CADM2: variants seen among roughly 807,000 people sequenced by gnomAD.
CADM2 encodes the protein immunoglobulin superfamily member 4D.
CADM2 carries 12 observed loss-of-function variants against 49.8 expected under a neutral mutation model. The ratio of observed to expected loss-of-function variants is 0.24; its 90% CI spans 0.15 to 0.39. The LOEUF (loss-of-function observed/expected upper bound fraction) is 0.39, where lower values mean the gene tolerates loss of function less well. CADM2 is among the 10% of genes least tolerant of loss of function. The probability of loss-of-function intolerance (pLI) is 1.00; values close to 1 mark genes in which losing one functional copy is unlikely to be tolerated. For missense variants in CADM2, 378 were observed against 492.3 expected, an observed-to-expected ratio of 0.77 and a Z score of 2.20; for synonymous variants, 214 against 175.4, an observed-to-expected ratio of 1.22 and a Z score of -1.74.
At chr3:85,260,920 A>G (rs144248325) in intron 1 of CADM2, among the ~76,000 whole-genome samples, 119 of 152,238 alleles carry the variant, frequency 7.8e-4, no homozygotes, top group African/African-American at 2.8e-3. Context: ...GGAGTTTGCA[A>G]TCGGTTCTCA....
chr3:84,961,127 C>T lies in CADM2; in HGVS notation c.61+1459C>T, dbSNP rs549799018. ...GTAAAAGGGATCTGAAAGTAAGACA[C>T]ACGTAGACTCACTGGCGTGCAAAAC... is the stretch of plus-strand genomic sequence containing the variant. On this transcript the variant is annotated intron_variant, in intron 1 of 9. Transcript: ENST00000383699. Among the ~76,000 whole-genome samples, 26 of 152,158 alleles carry T rather than the reference C, an allele frequency of 1.7e-4. No individual in the cohort carries two copies. The South Asian group carries it at 5.2e-3, about 30-fold the overall frequency.
chr3:85,123,376 G>A (rs1223231449), intron 1 of CADM2, among the ~76,000 whole-genome samples: 2 of 152,104 alleles, frequency 1.3e-5, no homozygotes, highest in African/African-American at 4.8e-5. Flanking sequence ...TAAGATTTAT[G>A]TGTAAAAACG....
At chr3:85,152,347 A>G (rs1559691157) in intron 1 of CADM2, among the ~76,000 whole-genome samples, 1 of 152,136 alleles carries the variant, frequency 6.6e-6, no homozygotes, top group South Asian at 2.1e-4. Flanking sequence ...ATGTGTGGCC[A>G]AAAGAGACTG....
intron 2 of CADM2, among the ~76,000 whole-genome samples, chr3:85,786,395 A>T (rs1365977828): frequency 6.6e-6 from 1 of 152,068 alleles, no homozygotes; most frequent in African/African-American, 2.4e-5. Context: ...AGTTTCCACT[A>T]AACTCTCATA....
At chr3:85,259,472 C>A (rs1046137556) in intron 1 of CADM2, among the ~76,000 whole-genome samples, 1 of 151,964 alleles carries the variant, frequency 6.6e-6, no homozygotes, top group African/African-American at 2.4e-5. Context: ...TGTGAGCCTG[C>A]ATACTGTAAT....
At chr3:85,544,535 C>G (rs1045250572) in intron 1 of CADM2, among the ~76,000 whole-genome samples, 1 of 151,998 alleles carries the variant, frequency 6.6e-6, no homozygotes, top group Non-Finnish European at 1.5e-5. Flanking sequence ...GGAGATCGCG[C>G]CACTGCACTC....
chr3:85,107,528 A>T (rs2038277983), intron 1 of CADM2, among the ~76,000 whole-genome samples: 1 of 152,054 alleles, frequency 6.6e-6, no homozygotes, highest in Non-Finnish European at 1.5e-5. Flanking sequence ...AAAATGGTGC[A>T]GCCTCTGTGG....
At chr3:85,905,344 A>T (rs559200170) in intron 5 of CADM2, among the ~76,000 whole-genome samples, 1 of 152,334 alleles carries the variant, frequency 6.6e-6, no homozygotes, top group Non-Finnish European at 1.5e-5. Context: ...CTTCCAATAC[A>T]GAAACTGATG....
intron 1 of CADM2, among the ~76,000 whole-genome samples, chr3:85,637,177 A>G (rs1006123905): frequency 6.6e-6 from 1 of 152,182 alleles, no homozygotes; most frequent in African/African-American, 2.4e-5. Flanking sequence ...ATTTTTTGAA[A>G]TGAAGAAAAG....
rs191134128 is a variant in CADM2, at chr3:85,608,897, A to T, written c.62-117625A>T. Among the ~76,000 whole-genome samples the T allele has an allele frequency of 5.3e-3, 810 of 152,218 alleles. 7 individuals carry two copies. Among genetic ancestry groups the T allele is most frequent in the Non-Finnish European group, 8.0e-3 (541 of 68,008 alleles). On this transcript the variant is annotated intron_variant, in intron 1 of 9. Coordinates refer to ENST00000383699, the MANE Select transcript of CADM2 (RefSeq NM_001167675.2). ...TTAAAAGCTTTCTTGGTTTTCTTCA[A>T]TTTTTCTCAGCATACCTGAGTTTGG... is the stretch of plus-strand genomic sequence containing the variant.
intron 3 of CADM2, among the ~76,000 whole-genome samples, chr3:85,812,228 T>C (rs1038190226): frequency 6.6e-6 from 1 of 152,008 alleles, no homozygotes; most frequent in Non-Finnish European, 1.5e-5. Flanking sequence ...AATAAACTAT[T>C]CCAGGAGATG....
At chr3:85,241,112 C>T (rs1226778990) in intron 1 of CADM2, among the ~76,000 whole-genome samples, 1 of 151,358 alleles carries the variant, frequency 6.6e-6, no homozygotes, top group Admixed American at 6.6e-5. Context: ...CCTGGGTGTT[C>T]ATGTGTTTAA....
chr3:85,649,963 A>G (rs1031176267), intron 1 of CADM2, among the ~76,000 whole-genome samples: 1 of 152,186 alleles, frequency 6.6e-6, no homozygotes, highest in South Asian at 2.1e-4. Flanking sequence ...AATAGCCGTT[A>G]TATAGGCATC....
intron 2 of CADM2, among the ~76,000 whole-genome samples, chr3:85,801,726 AG>A (rs2072052763): frequency 6.6e-6 from 1 of 152,198 alleles, no homozygotes; most frequent in South Asian, 2.1e-4. Context: ...GACCAAGTTT[AG>A]TACCGTATTA....
intron 8 of CADM2, among the ~76,000 whole-genome samples, chr3:85,977,694 A>C (rs1364420914): frequency 6.6e-6 from 1 of 151,614 alleles, no homozygotes; most frequent in African/African-American, 2.4e-5. Context: ...ATGTCGTTAA[A>C]GTCAGTTCTA....
chr3:85,935,773 C>T lies in CADM2; in HGVS notation c.707C>T (p.Pro236Leu). The change falls in exon 7 of 10, where the codon CCA becomes CTA. Residue 236 changes from proline to leucine, a missense_variant. Physicochemically the swap from Pro to Leu is moderately conservative, Grantham distance 98 (BLOSUM62 -3). Coordinates refer to ENST00000383699, the MANE Select transcript of CADM2 (RefSeq NM_001167675.2). ...AATATTCTTTTATTTCTAGATACAC[C>T]ATCAGTTAAGATTATACCATCGACT... ...AMQVLEIHYT[P>L]SVKIIPSTPF... The T allele has an allele frequency of 6.4e-7, 1 of 1,568,764 alleles. No homozygotes were observed. The highest frequency in any genetic ancestry group is 8.7e-7 in the Non-Finnish European group (1 of 1,147,500).
chr3:85,577,363 G>T (rs2062662293), intron 1 of CADM2, among the ~76,000 whole-genome samples: 1 of 152,126 alleles, frequency 6.6e-6, no homozygotes, highest in Non-Finnish European at 1.5e-5. Flanking sequence ...TCATGAGAGT[G>T]AGTTAGTTCT....
intron 1 of CADM2, among the ~76,000 whole-genome samples, chr3:85,027,109 C>CTTTTTTTTTTTTTTTTTCTTTTTT (rs2034764616): frequency 1.8e-5 from 1 of 55,690 alleles, no homozygotes; most frequent in Non-Finnish European, 2.9e-5. Context: ...TTTCTTTTTC[C>CTTTTTTTTTTTTTTTTTCTTTTTT]TTTTTTTTTT....
intron 1 of CADM2, among the ~76,000 whole-genome samples, chr3:85,420,889 A>G (rs2036139231): frequency 6.6e-6 from 1 of 152,124 alleles, no homozygotes; most frequent in Non-Finnish European, 1.5e-5. Context: ...TTTTTAAGAC[A>G]AGGTAAAAAT....
Sources: gnomAD v4.1 joint callset for allele counts (sites outside exome capture counted in the v4.1 genomes callset) on GRCh38, gnomAD v4.1.1 for gene constraint, MANE v1.5 for transcripts, NCBI Gene and HGNC (gene_info 2026-07-23, HGNC 2026-07-21) for gene names.